The following WWC2 variants were observed in gnomAD, a reference collection of about 807,000 sequenced individuals.
WWC2 encodes the protein WW and C2 domain containing 2, also known as protein WWC2.
In WWC2, 101 loss-of-function variants were observed where a neutral mutation model predicts 138.5. That is an observed-to-expected ratio of 0.73 (90% CI 0.62 to 0.86). WWC2 has a LOEUF of 0.86. Among genes scored for constraint, WWC2 ranks in the 40% least tolerant of loss-of-function variants. The probability of loss-of-function intolerance (pLI) is 0.00; values close to 1 mark genes in which losing one functional copy is unlikely to be tolerated. For missense variants in WWC2, 1,420 were observed against 1,419.4 expected (o/e 1.00, Z -0.01); for synonymous variants, 558 against 538.4 (o/e 1.04, Z -0.50).
chr4:183,223,688 T>G (rs1262935601), intron 4 of WWC2, among the ~76,000 whole-genome samples: 1 of 152,206 alleles, frequency 6.6e-6, no homozygotes, highest in East Asian at 1.9e-4. Flanking sequence ...GTAAATATAT[T>G]TCTGAAGTCT....
At chr4:183,285,629 G>A (rs1738221888) in intron 19 of WWC2, among the ~76,000 whole-genome samples, 1 of 152,066 alleles carries the variant, frequency 6.6e-6, no homozygotes, top group South Asian at 2.1e-4. Flanking sequence ...GCATGGTGGC[G>A]TGCGCCTGTA....
chr4:183,235,851 T>G (rs1416107871), intron 4 of WWC2, among the ~76,000 whole-genome samples: 1 of 152,198 alleles, frequency 6.6e-6, no homozygotes, highest in Non-Finnish European at 1.5e-5. Flanking sequence ...TTAAAAAAAT[T>G]TAAATTGACC....
intron 1 of WWC2, among the ~76,000 whole-genome samples, chr4:183,116,878 C>T (rs1732429210): frequency 6.6e-6 from 1 of 152,216 alleles, no homozygotes; most frequent in Non-Finnish European, 1.5e-5. Context: ...ATACCCAGTA[C>T]AATGTCTTGT....
At position 183,188,995 on chromosome 4, in the gene WWC2, G is replaced by C. The variant is rs147268901; in HGVS notation, c.132-4604G>C. 7.3e-3 allele frequency among the ~76,000 whole-genome samples: 1,109 copies of C among 152,096 alleles called. 19 individuals carry two copies. Among genetic ancestry groups the C allele is most frequent in the African/African-American group, 0.025 (1,044 of 41,496 alleles). ...ATTTAAGCTAATTTCCTCACACACA[G>C]GGAAGGAATCTCATTATTATCTTCC... On this transcript the variant is annotated intron_variant, in intron 1 of 22. Coordinates refer to ENST00000403733, the MANE Select transcript of WWC2 (RefSeq NM_024949.6).
intron 22 of WWC2, among the ~76,000 whole-genome samples, chr4:183,314,466 A>G (rs1225202165): frequency 6.6e-6 from 1 of 152,194 alleles, no homozygotes; most frequent in Non-Finnish European, 1.5e-5. Flanking sequence ...GAGACAGAAC[A>G]TGCTGGAAGC....
chr4:183,279,041 A>G lies in WWC2; in HGVS notation c.2563-1735A>G, dbSNP rs949193673. On this transcript the variant is annotated intron_variant, in intron 16 of 22. Coordinates refer to ENST00000403733, the MANE Select transcript of WWC2 (RefSeq NM_024949.6). Reference sequence around the variant, plus strand: ...TTGAATAGGAGTGGTGAGAGAGGGCATCCCTGTCTTGTGCCAGTTTTCAAA... The same window carrying G: ...TTGAATAGGAGTGGTGAGAGAGGGCGTCCCTGTCTTGTGCCAGTTTTCAAA... Among the ~76,000 whole-genome samples the G allele has an allele frequency of 3.9e-4, 60 of 152,176 alleles. No individual in the cohort carries two copies. In the South Asian group the frequency reaches 0.01, roughly 26 times the overall value.
chr4:183,286,060 G>A lies in WWC2; in HGVS notation c.3141+1G>A. ...ACGCCGCAGTTTGAGGGTCAAAAGG[G>A]TATGTATTCCCTCAGCCACGTCCCA... On this transcript the variant is annotated splice_donor_variant, in intron 20 of 22. Coordinates refer to ENST00000403733, the MANE Select transcript of WWC2 (RefSeq NM_024949.6). LOFTEE classifies it high-confidence loss of function. 6.4e-7 allele frequency: 1 copy of A among 1,569,298 alleles called. No homozygotes were observed. The highest frequency in any genetic ancestry group is 8.7e-7 in the Non-Finnish European group (1 of 1,155,690).
chr4:183,270,215 T>C (rs1191936600), intron 15 of WWC2, among the ~76,000 whole-genome samples: 1 of 152,180 alleles, frequency 6.6e-6, no homozygotes, highest in African/African-American at 2.4e-5. Flanking sequence ...TGTCAGAGGC[T>C]CCCACAAAGT....
intron 21 of WWC2, among the ~76,000 whole-genome samples, chr4:183,303,984 G>C (rs555220051): frequency 2.6e-5 from 4 of 151,898 alleles, no homozygotes; most frequent in Non-Finnish European, 5.9e-5. Context: ...ATTGTAGAGG[G>C]TTTGTTAGAT....
intron 1 of WWC2, among the ~76,000 whole-genome samples, chr4:183,121,526 A>G (rs1388046500): frequency 2.0e-5 from 3 of 152,118 alleles, no homozygotes; most frequent in Non-Finnish European, 2.9e-5. Context: ...GGGATACTCA[A>G]TCTAATAGAG....
In WWC2 at chr4:183,140,129, T is replaced by C. The variant is rs141485963; in HGVS notation, c.131+40507T>C. 1.5e-3 allele frequency among the ~76,000 whole-genome samples: 234 copies of C among 152,346 alleles called. 2 individuals carry two copies. Among genetic ancestry groups the C allele is most frequent in the Middle Eastern group, 6.8e-3 (2 of 294 alleles). On this transcript the variant is annotated intron_variant, in intron 1 of 22. Coordinates refer to ENST00000403733, the MANE Select transcript of WWC2 (RefSeq NM_024949.6). ...TCCCAGCCTGGGAATTTGTTTTGTT[T>C]ACTGCTGCATCGCTGGTATGTATAG...
At chr4:183,138,690 G>T (rs1028773892) in intron 1 of WWC2, among the ~76,000 whole-genome samples, 12 of 152,146 alleles carry the variant, frequency 7.9e-5, no homozygotes, top group African/African-American at 2.7e-4. Flanking sequence ...GTCTCCTTTA[G>T]GGCCCCATTT....
chr4:183,177,190 A>G (rs1734493290), intron 1 of WWC2, among the ~76,000 whole-genome samples: 1 of 152,238 alleles, frequency 6.6e-6, no homozygotes, highest in South Asian at 2.1e-4. Flanking sequence ...AGACTCATGC[A>G]TTAGTCAGCT....
chr4:183,268,281 C>G (rs922267103), intron 14 of WWC2, among the ~76,000 whole-genome samples: 4 of 152,128 alleles, frequency 2.6e-5, no homozygotes, highest in African/African-American at 7.2e-5. Flanking sequence ...AATTGTGGGT[C>G]CTCATACAAT....
At chr4:183,130,052 G>T (rs1314813793) in intron 1 of WWC2, among the ~76,000 whole-genome samples, 3 of 148,792 alleles carry the variant, frequency 2.0e-5, no homozygotes, top group African/African-American at 5.0e-5. Context: ...TTATTCCTAA[G>T]TATCTTTTTT....
Position 183,102,105 on chromosome 4 carries a change from G to A in WWC2, c.131+2483G>A, listed in dbSNP as rs557215091. ...TTTTAAGCTTTTGGAGGTGAATGAC[G>A]TCATTCAAACTTTGCTGGGATGTGA... On this transcript the variant is annotated intron_variant, in intron 1 of 22. Transcript: ENST00000403733. Among the ~76,000 whole-genome samples, 12 of 152,264 alleles carry A rather than the reference G, an allele frequency of 7.9e-5. 1 individual carries two copies. The highest frequency in any genetic ancestry group is 2.6e-4 in the African/African-American group (11 of 41,552).
At chr4:183,220,931 A>G (rs1215894427) in intron 4 of WWC2, among the ~76,000 whole-genome samples, 8 of 152,192 alleles carry the variant, frequency 5.3e-5, no homozygotes, top group African/African-American at 7.2e-5. Flanking sequence ...GAAGGCAAGA[A>G]TAGAGGAAGA....
At chr4:183,132,530 T>G (rs376457794) in intron 1 of WWC2, among the ~76,000 whole-genome samples, 28 of 151,916 alleles carry the variant, frequency 1.8e-4, no homozygotes, top group African/African-American at 6.8e-4. Context: ...CTCAGCTCAC[T>G]GCAAGCTCCG....
chr4:183,279,052 G>C (rs1046231633), intron 16 of WWC2, among the ~76,000 whole-genome samples: 4 of 151,998 alleles, frequency 2.6e-5, no homozygotes, highest in African/African-American at 9.7e-5. Flanking sequence ...TCCCTGTCTT[G>C]TGCCAGTTTT....
Sources: gnomAD v4.1 joint callset for allele counts (sites outside exome capture counted in the v4.1 genomes callset) on GRCh38, gnomAD v4.1.1 for gene constraint, MANE v1.5 for transcripts, NCBI Gene and HGNC (gene_info 2026-07-23, HGNC 2026-07-21) for gene names.